Variants in TNKS observed in about 807,000 individuals in gnomAD.
The protein encoded by TNKS is tankyrase, also known as poly [ADP-ribose] polymerase tankyrase-1.
TNKS carries 72 observed loss-of-function variants against 135.8 expected under a neutral mutation model. That is an observed-to-expected ratio of 0.53 (90% CI 0.44 to 0.64). The LOEUF (loss-of-function observed/expected upper bound fraction) is 0.64. TNKS is among the 30% of genes least tolerant of loss of function. The pLI is 0.00. For synonymous variants in TNKS, 849 were observed against 649.3 expected (o/e 1.31, Z -4.68); for missense variants, 1,769 against 1,674.0 (o/e 1.06, Z -0.99).
At chr8:9,751,906 T>C (rs1806561229) in intron 19 of TNKS, 60 bp downstream of exon 19, 1 of 1,488,632 alleles carries the variant, frequency 6.7e-7, no homozygotes, top group Admixed American at 1.7e-5. Flanking sequence ...GCAGAATGAC[T>C]TTTTTCTATT....
rs1278335726 is a variant in TNKS, at chr8:9,772,821, G to C, written c.3897+2559G>C. On this transcript the variant is annotated intron_variant, in intron 26 of 26. Transcript: ENST00000310430. ...TGTGTGTGTGTGTTTGTGTGTGTGTGTGTGTGTGTCTGTGTGTGTGTGTGT... is the reference window on the plus strand; with the variant it reads ...TGTGTGTGTGTGTTTGTGTGTGTGTCTGTGTGTGTCTGTGTGTGTGTGTGT... 2.6e-4 allele frequency among the ~76,000 whole-genome samples: 23 copies of C among 89,374 alleles called. No individual in the cohort carries two copies. In the South Asian group the frequency reaches 4.7e-3, roughly 18 times the overall value. 58.6% of individuals were successfully genotyped at this position (89,374 alleles called of 152,430 possible).
chr8:9,772,418 C>A (rs777649079), intron 26 of TNKS: 1 of 455,392 alleles, frequency 2.2e-6, no homozygotes, highest in African/African-American at 2.0e-5. Context: ...GCCAAAAATA[C>A]ATGATGTAAG....
intron 3 of TNKS, among the ~76,000 whole-genome samples, chr8:9,676,314 A>G (rs879567162): frequency 7.2e-5 from 11 of 152,120 alleles, no homozygotes; most frequent in Non-Finnish European, 1.3e-4. Context: ...TGCCTGGCCC[A>G]GAATTCTTTT....
chr8:9,615,063 T>A (rs1263264447), intron 2 of TNKS, among the ~76,000 whole-genome samples: 3 of 152,198 alleles, frequency 2.0e-5, no homozygotes, highest in Non-Finnish European at 4.4e-5. Context: ...CATTACTATG[T>A]CTGTTAAACT....
chr8:9,643,432 G>T (rs1800793856), intron 3 of TNKS, among the ~76,000 whole-genome samples: 1 of 114,348 alleles, frequency 8.7e-6, no homozygotes, highest in Admixed American at 1.1e-4. Flanking sequence ...TAACTAAATG[G>T]CTTCTGCGAT....
In TNKS at chr8:9,780,747, A is replaced by G. The variant is rs150390777; in HGVS notation, c.*4011A>G. The stretch of plus-strand genomic sequence containing the variant: ...TGAAAGGTGTGTCAGTGAGTCGGCC[A>G]TGTCTCCATGTGTTTCAGACCTGTT... On this transcript the variant is annotated 3_prime_UTR_variant, in exon 27 of 27. Transcript: ENST00000310430. The G allele has an allele frequency of 1.6e-4, 25 of 152,312 alleles. No homozygotes were observed. The highest frequency in any genetic ancestry group is 6.0e-4 in the African/African-American group (25 of 41,572). 9.4% of individuals were successfully genotyped at this position (152,312 alleles called of 1,614,324 possible).
intron 11 of TNKS, among the ~76,000 whole-genome samples, chr8:9,710,867 G>C (rs1321010501): frequency 1.3e-5 from 2 of 152,244 alleles, no homozygotes; most frequent in East Asian, 1.9e-4. Flanking sequence ...CTACACTCCA[G>C]CCTGGGAGAC....
Position 9,767,056 on chromosome 8 carries a change from G to A in TNKS, c.3740+631G>A, listed in dbSNP as rs557654132. Among the ~76,000 whole-genome samples, 5 of 152,126 alleles carry A rather than the reference G, an allele frequency of 3.3e-5. No individual in the cohort carries two copies. In the South Asian group the frequency reaches 1.0e-3, roughly 31 times the overall value. On this transcript the variant is annotated intron_variant, in intron 25 of 26. Transcript: ENST00000310430. ...TGGCAAGGCTAAGGATGATTTCTGT[G>A]GAACAAAGAACTGCTAGCTCTAGTC... is the stretch of plus-strand genomic sequence containing the variant.
At chr8:9,636,425 G>C (rs907240869) in intron 3 of TNKS, among the ~76,000 whole-genome samples, 1 of 152,036 alleles carries the variant, frequency 6.6e-6, no homozygotes, top group African/African-American at 2.4e-5. Context: ...TGTTTATAAA[G>C]AGCTCAAGAC....
intron 5 of TNKS, among the ~76,000 whole-genome samples, chr8:9,699,984 A>G (rs1408463049): frequency 6.6e-6 from 1 of 152,126 alleles, no homozygotes; most frequent in African/African-American, 2.4e-5. Context: ...TCTTCACACA[A>G]CCTGGAATAG....
At position 9,606,192 on chromosome 8, in the gene TNKS, T is replaced by A. The variant is rs992092400; in HGVS notation, c.899-9390T>A. ...CTTTTCTATATAGAGAATCCGTTGT[T>A]TCAGCATGATTTGTTGAATAGGCTA... On this transcript the variant is annotated intron_variant, in intron 2 of 26. Coordinates refer to ENST00000310430, the MANE Select transcript of TNKS (RefSeq NM_003747.3). 3.8e-4 allele frequency among the ~76,000 whole-genome samples: 47 copies of A among 125,314 alleles called. 1 individual carries two copies. The highest frequency in any genetic ancestry group is 1.4e-3 in the African/African-American group (45 of 32,162). The allele number at this position is 125,314 out of a possible 152,430, so 82.2% of individuals were successfully genotyped here.
At chr8:9,687,376 C>CA (rs796713787) in intron 5 of TNKS, among the ~76,000 whole-genome samples, 66 of 152,218 alleles carry the variant, frequency 4.3e-4, no homozygotes, top group African/African-American at 1.5e-3. Context: ...ACTGTAGTGC[C>CA]AAAATCCCTT....
chr8:9,585,321 C>T (rs976922439), intron 2 of TNKS, among the ~76,000 whole-genome samples: 1 of 151,718 alleles, frequency 6.6e-6, no homozygotes, highest in Non-Finnish European at 1.5e-5. Context: ...CATTTTAAAC[C>T]TTACACGTGA....
intron 5 of TNKS, among the ~76,000 whole-genome samples, chr8:9,700,915 A>G (rs1803768786): frequency 6.8e-6 from 1 of 146,288 alleles, no homozygotes. Context: ...AACTAGTTAA[A>G]TTTTTCTTAT....
rs772143798 is a variant in TNKS at position 9,765,824 on chromosome 8, C to A, written c.3553+27C>A. 6.9e-6 allele frequency: 11 copies of A among 1,590,090 alleles called. No individual in the cohort carries two copies. In the East Asian group the frequency reaches 2.5e-4, roughly 36 times the overall value. Reference sequence around the variant, plus strand: ...TAAGCAGCGTGGCAGGGACGGTGGACGTCTCCCTGGGCCTTTGCAGGAGTC... The same window carrying A: ...TAAGCAGCGTGGCAGGGACGGTGGAAGTCTCCCTGGGCCTTTGCAGGAGTC... On this transcript the variant is annotated intron_variant, in intron 24 of 26. Transcript: ENST00000310430.
chr8:9,614,317 A>G (rs1458259938), intron 2 of TNKS, among the ~76,000 whole-genome samples: 6 of 152,234 alleles, frequency 3.9e-5, no homozygotes, highest in Non-Finnish European at 8.8e-5. Context: ...AGGAAATAAC[A>G]CAGAAAGGCT....
chr8:9,610,771 C>G (rs1799433676), intron 2 of TNKS, among the ~76,000 whole-genome samples: 1 of 152,110 alleles, frequency 6.6e-6, no homozygotes, highest in Non-Finnish European at 1.5e-5. Context: ...ACATTTTTAG[C>G]TTGGAAAATT....
rs933454377 is a variant in TNKS at position 9,556,153 on chromosome 8, C to A, written c.214C>A (p.Arg72=). The change falls in exon 1 of 27, where the codon CGG becomes AGG. Residue 72 remains arginine, a synonymous_variant. Transcript: ENST00000310430. ...GLALPEGDGS[R]DPPDRPRSPD... ...AGCGCTGCCGGAGGGGGATGGCAGTCGGGATCCGCCCGACAGGCCCCGATC... is the reference window on the plus strand; with the variant it reads ...AGCGCTGCCGGAGGGGGATGGCAGTAGGGATCCGCCCGACAGGCCCCGATC... 1.2e-6 allele frequency: 2 copies of A among 1,608,618 alleles called. No homozygotes were observed. The highest frequency in any genetic ancestry group is 1.7e-6 in the Non-Finnish European group (2 of 1,177,088).
intron 3 of TNKS, among the ~76,000 whole-genome samples, chr8:9,648,805 C>T (rs1472183917): frequency 6.6e-6 from 1 of 152,070 alleles, no homozygotes; most frequent in East Asian, 1.9e-4. Context: ...CCTCACTTTC[C>T]CATTCTTAGA....
Sources: gnomAD v4.1 joint callset for allele counts (sites outside exome capture counted in the v4.1 genomes callset) on GRCh38, gnomAD v4.1.1 for gene constraint, MANE v1.5 for transcripts, NCBI Gene and HGNC (gene_info 2026-07-23, HGNC 2026-07-21) for gene names.